Variants in CLVS1 observed in about 807,000 individuals in gnomAD.
CLVS1 encodes the protein clavesin 1.
Under a neutral mutation model 33.1 loss-of-function variants are expected in CLVS1, and 10 were observed. That is an observed-to-expected ratio of 0.30 (90% CI 0.19 to 0.51). CLVS1 has a LOEUF of 0.51. CLVS1 is among the 20% of genes least tolerant of loss of function. The pLI is 0.97. For missense variants in CLVS1, 343 were observed against 433.4 expected (o/e 0.79, Z 1.85); for synonymous variants, 163 against 166.1 (o/e 0.98, Z 0.14).
At chr8:61,226,995 T>TG (rs1247604880) in intron 2 of CLVS1, among the ~76,000 whole-genome samples, 40 of 146,698 alleles carry the variant, frequency 2.7e-4, no homozygotes, top group African/African-American at 1.0e-3. Context: ...TTTTTTTTTT[T>TG]TTGTTCAGCT....
chr8:61,427,323 A>G (rs1024551862), intron 3 of CLVS1, among the ~76,000 whole-genome samples: 1 of 151,890 alleles, frequency 6.6e-6, no homozygotes, highest in Admixed American at 6.6e-5. Flanking sequence ...CCTTTTTCTC[A>G]GTGGCAGACT....
intron 2 of CLVS1, among the ~76,000 whole-genome samples, chr8:61,346,391 C>T (rs1043698162): frequency 1.3e-5 from 2 of 152,102 alleles, no homozygotes; most frequent in Non-Finnish European, 2.9e-5. Flanking sequence ...CACAGAGAAG[C>T]AGAGGTCGCA....
At chr8:61,130,702 A>G (rs1363810187) in intron 1 of CLVS1, among the ~76,000 whole-genome samples, 1 of 152,254 alleles carries the variant, frequency 6.6e-6, no homozygotes, top group Non-Finnish European at 1.5e-5. Context: ...TTTTCTGAAG[A>G]GTATTAAGAG....
chr8:61,240,504 A>G (rs1808675929), intron 2 of CLVS1, among the ~76,000 whole-genome samples: 1 of 152,236 alleles, frequency 6.6e-6, no homozygotes, highest in East Asian at 1.9e-4. Context: ...TATGTGAAAC[A>G]CGCTGATTTA....
At chr8:61,495,955 G>A (rs1167851967) in intron 5 of CLVS1, among the ~76,000 whole-genome samples, 1 of 152,154 alleles carries the variant, frequency 6.6e-6, no homozygotes, top group South Asian at 2.1e-4. Context: ...AGGGCTAAAA[G>A]GTACTTGTGT....
chr8:61,408,111 C>G (rs1201674123), intron 3 of CLVS1, among the ~76,000 whole-genome samples: 5 of 152,124 alleles, frequency 3.3e-5, no homozygotes, highest in African/African-American at 1.2e-4. Context: ...CCCTGCCCTT[C>G]TGGAGTTTAC....
At chr8:61,078,094 T>TGCAC (rs1252463394) in intron 1 of CLVS1, among the ~76,000 whole-genome samples, 1 of 152,154 alleles carries the variant, frequency 6.6e-6, no homozygotes, top group Non-Finnish European at 1.5e-5. Context: ...CAGGCTTCCC[T>TGCAC]GGGTCAGGAT....
At chr8:61,117,901 A>T (rs1471182876) in intron 1 of CLVS1, among the ~76,000 whole-genome samples, 1 of 151,994 alleles carries the variant, frequency 6.6e-6, no homozygotes, top group Non-Finnish European at 1.5e-5. Context: ...TGAGTTAGGG[A>T]GGATTCCCTC....
At chr8:60,981,750 G>A in the CLVS1 span, among the ~76,000 whole-genome samples, 34 of 152,328 alleles carry the variant, frequency 2.2e-4, no homozygotes, top group Non-Finnish European at 3.1e-4. Flanking sequence ...CAGCTTGAGC[G>A]GCCAGGGTGG....
intron 2 of CLVS1, among the ~76,000 whole-genome samples, chr8:61,184,568 G>A (rs1343145401): frequency 1.3e-5 from 2 of 152,180 alleles, no homozygotes; most frequent in African/African-American, 4.8e-5. Context: ...CCTCCCTGTG[G>A]GGCACTAGAC....
intron 2 of CLVS1, among the ~76,000 whole-genome samples, chr8:61,240,908 TTTTA>T (rs1808685444): frequency 6.6e-6 from 1 of 150,848 alleles, no homozygotes; most frequent in African/African-American, 2.5e-5. Flanking sequence ...TTTTTTTTTT[TTTTA>T]AAATAGAGAA....
intron 5 of CLVS1, among the ~76,000 whole-genome samples, chr8:61,488,359 C>T (rs1803952582): frequency 6.6e-6 from 1 of 152,160 alleles, no homozygotes; most frequent in Non-Finnish European, 1.5e-5. Context: ...CTTGAATGCT[C>T]TCACACTTCA....
chr8:61,001,721 T>C, the CLVS1 span, among the ~76,000 whole-genome samples: 1 of 152,258 alleles, frequency 6.6e-6, no homozygotes, highest in African/African-American at 2.4e-5. Context: ...AGCTTTATCT[T>C]CTTTCATTCC....
chr8:61,247,588 G>C (rs180753524), intron 2 of CLVS1, among the ~76,000 whole-genome samples: 27 of 152,256 alleles, frequency 1.8e-4, no homozygotes, highest in Admixed American at 1.6e-3. Flanking sequence ...TTGGCCACAT[G>C]TATGTCTTCT....
At chr8:61,009,087 T>C in the CLVS1 span, among the ~76,000 whole-genome samples, 2,332 of 152,306 alleles carry the variant, frequency 0.015, 37 homozygotes, top group Non-Finnish European at 0.025. Context: ...ATATGCATAT[T>C]AGGGTTACAC....
rs191303768 is a variant in CLVS1, at chr8:61,310,193, A to G, written c.455+9911A>G. ...TCCTGAATCTTTCTGGTGATGATCA[A>G]TTTTTCTTTTGAGTTTGAGAATGAG... On this transcript the variant is annotated intron_variant, in intron 2 of 5. Coordinates refer to ENST00000325897, the MANE Select transcript of CLVS1 (RefSeq NM_173519.3). Among the ~76,000 whole-genome samples, 7 of 152,266 alleles carry G rather than the reference A, an allele frequency of 4.6e-5. No homozygotes were observed. The East Asian group carries it at 1.4e-3, about 29-fold the overall frequency.
At chr8:61,237,655 T>C (rs930382056) in intron 2 of CLVS1, among the ~76,000 whole-genome samples, 4 of 152,112 alleles carry the variant, frequency 2.6e-5, no homozygotes, top group African/African-American at 4.8e-5. Flanking sequence ...GGATAGGTCA[T>C]GGCACAGCAC....
chr8:60,996,027 G>C, the CLVS1 span, among the ~76,000 whole-genome samples: 4 of 152,202 alleles, frequency 2.6e-5, no homozygotes, highest in South Asian at 8.3e-4. Context: ...TGGGGGTAGG[G>C]GGGAGGGATA....
At chr8:61,082,240 A>G (rs1805034047) in intron 1 of CLVS1, among the ~76,000 whole-genome samples, 2 of 152,228 alleles carry the variant, frequency 1.3e-5, no homozygotes, top group African/African-American at 4.8e-5. Context: ...GTCAATAGAA[A>G]CTTGCAAAAC....
Sources: gnomAD v4.1 joint callset for allele counts (sites outside exome capture counted in the v4.1 genomes callset) on GRCh38, gnomAD v4.1.1 for gene constraint, MANE v1.5 for transcripts, NCBI Gene and HGNC (gene_info 2026-07-23, HGNC 2026-07-21) for gene names.